Variants in TNKS observed in about 807,000 individuals in gnomAD.
TNKS encodes the protein tankyrase.
In TNKS, 72 loss-of-function variants were observed where a neutral mutation model predicts 135.8. The observed-to-expected ratio is 0.53, with a 90% CI of 0.44 to 0.64. TNKS has a LOEUF of 0.64. Among genes scored for constraint, TNKS ranks in the 30% least tolerant of loss-of-function variants. The pLI is 0.00. For missense variants in TNKS, 1,769 were observed against 1,674.0 expected, an observed-to-expected ratio of 1.06 and a Z score of -0.99; for synonymous variants, 849 against 649.3, an observed-to-expected ratio of 1.31 and a Z score of -4.68.
At chr8:9,685,954 CTT>C (rs1014763164) in intron 5 of TNKS, among the ~76,000 whole-genome samples, 3 of 152,086 alleles carry the variant, frequency 2.0e-5, no homozygotes, top group African/African-American at 7.2e-5. Flanking sequence ...CTCAGTATAA[CTT>C]TTTTCCAAAT....
At chr8:9,775,339 G>C (rs370124046) in intron 26 of TNKS, among the ~76,000 whole-genome samples, 3 of 151,428 alleles carry the variant, frequency 2.0e-5, no homozygotes, top group South Asian at 4.2e-4. Flanking sequence ...AGATTGGAAA[G>C]TCAGGAGAGA....
intron 5 of TNKS, among the ~76,000 whole-genome samples, chr8:9,688,042 G>A (rs1243582801): frequency 6.6e-6 from 1 of 152,126 alleles, no homozygotes; most frequent in Non-Finnish European, 1.5e-5. Context: ...CAGCTTCTGT[G>A]GTATTGCCGA....
At position 9,765,694 on chromosome 8, in the gene TNKS, T is replaced by A; in HGVS notation, c.3450T>A (p.Ile1150=). 1.3e-5 allele frequency: 21 copies of A among 1,613,268 alleles called. No individual in the cohort carries two copies. The highest frequency in any genetic ancestry group is 1.8e-5 in the Non-Finnish European group (21 of 1,179,352). The change falls in exon 24 of 27, where the codon ATT becomes ATA. Residue 1150 remains isoleucine (I), a splice_region_variant and synonymous_variant. Coordinates refer to ENST00000310430, the MANE Select transcript of TNKS (RefSeq NM_003747.3). ...GIFNRYNVIR[I]QKVVNKKLRE... ...TTCTTTCTTCTTCATCCTTAAAGAT[T>A]CAAAAAGTTGTCAACAAGAAGTTGA... is the stretch of plus-strand genomic sequence containing the variant.
At chr8:9,753,261 C>T (rs1339871410) in intron 20 of TNKS, among the ~76,000 whole-genome samples, 5 of 152,176 alleles carry the variant, frequency 3.3e-5, no homozygotes, top group Non-Finnish European at 5.9e-5. Flanking sequence ...TTATTCATCT[C>T]ATTTCATTAT....
chr8:9,672,709 C>CAAAA (rs1203663457), intron 3 of TNKS, among the ~76,000 whole-genome samples: 6 of 91,776 alleles, frequency 6.5e-5, no homozygotes, highest in East Asian at 3.2e-4. Flanking sequence ...CACACACACA[C>CAAAA]ACAAAAAAAA....
intron 3 of TNKS, among the ~76,000 whole-genome samples, chr8:9,640,429 C>G (rs1800684716): frequency 6.9e-6 from 1 of 145,248 alleles, no homozygotes; most frequent in Non-Finnish European, 1.5e-5. Flanking sequence ...GGGATACATT[C>G]AAACCATATC....
At chr8:9,558,297 T>C (rs1242898267) in intron 1 of TNKS, 2 of 152,236 alleles carry the variant, frequency 1.3e-5, no homozygotes, top group East Asian at 1.9e-4. Flanking sequence ...ATTATTGATA[T>C]ACAGACACTA....
chr8:9,722,538 A>G (rs1804942126), intron 12 of TNKS: 2 of 143,836 alleles, frequency 1.4e-5, no homozygotes, highest in Admixed American at 1.4e-4. Context: ...TTCTATATAA[A>G]TTTCAAGCTT....
chr8:9,661,700 A>G (rs1413511418), intron 3 of TNKS, among the ~76,000 whole-genome samples: 1 of 152,224 alleles, frequency 6.6e-6, no homozygotes, highest in Non-Finnish European at 1.5e-5. Flanking sequence ...TAAAACACCA[A>G]AAGCAATGGC....
At chr8:9,662,586 G>T (rs1244578040) in intron 3 of TNKS, among the ~76,000 whole-genome samples, 1 of 152,064 alleles carries the variant, frequency 6.6e-6, no homozygotes, top group Non-Finnish European at 1.5e-5. Flanking sequence ...CACACACCGG[G>T]GACAGTTGTG....
intron 3 of TNKS, among the ~76,000 whole-genome samples, chr8:9,622,601 T>G (rs917035209): frequency 6.6e-6 from 1 of 152,204 alleles, no homozygotes; most frequent in African/African-American, 2.4e-5. Flanking sequence ...TTTTACCTGT[T>G]TGTTCATTTG....
At chr8:9,661,632 T>C (rs1801716562) in intron 3 of TNKS, among the ~76,000 whole-genome samples, 1 of 152,146 alleles carries the variant, frequency 6.6e-6, no homozygotes, top group Non-Finnish European at 1.5e-5. Context: ...ATAAAAACCC[T>C]AGAAGAAAAC....
At chr8:9,638,430 T>A (rs763549724) in intron 3 of TNKS, among the ~76,000 whole-genome samples, 2 of 152,242 alleles carry the variant, frequency 1.3e-5, no homozygotes, top group Non-Finnish European at 2.9e-5. Context: ...CTAAAAATCT[T>A]CTGTTTTCTG....
chr8:9,639,733 A>G (rs1371679817), intron 3 of TNKS, among the ~76,000 whole-genome samples: 1 of 151,984 alleles, frequency 6.6e-6, no homozygotes, highest in Non-Finnish European at 1.5e-5. Context: ...ATCTTAGGGG[A>G]TTCTGGTTTG....
chr8:9,648,401 C>G (rs1801000099), intron 3 of TNKS, among the ~76,000 whole-genome samples: 1 of 151,900 alleles, frequency 6.6e-6, no homozygotes, highest in African/African-American at 2.4e-5. Flanking sequence ...GATTTTAAAA[C>G]TTTTTAAACT....
At chr8:9,690,881 C>G (rs893747415) in intron 5 of TNKS, among the ~76,000 whole-genome samples, 1 of 152,074 alleles carries the variant, frequency 6.6e-6, no homozygotes, top group Non-Finnish European at 1.5e-5. Flanking sequence ...TATCTCTGTT[C>G]ATGTAATCTA....
chr8:9,556,744 A>T, intron 1 of TNKS, 132 bp downstream of exon 1: 2 of 804,214 alleles, frequency 2.5e-6, no homozygotes, highest in Non-Finnish European at 3.6e-6. Flanking sequence ...TCACCAGAAG[A>T]CTGGAGGTTC....
At chr8:9,622,906 C>CCACAGATAGTACTGAAA (rs1799918583) in intron 3 of TNKS, among the ~76,000 whole-genome samples, 1 of 151,952 alleles carries the variant, frequency 6.6e-6, no homozygotes, top group Admixed American at 6.5e-5. Context: ...TAGTACTGAA[C>CCACAGATAGTACTGAAA]CCTGTACAGA....
chr8:9,624,417 T>C (rs1799981326), intron 3 of TNKS, among the ~76,000 whole-genome samples: 1 of 152,250 alleles, frequency 6.6e-6, no homozygotes, highest in Non-Finnish European at 1.5e-5. Flanking sequence ...AAGATTTTTA[T>C]TAAACTTTTA....
Sources: gnomAD v4.1 joint callset for allele counts (sites outside exome capture counted in the v4.1 genomes callset) on GRCh38, gnomAD v4.1.1 for gene constraint, MANE v1.5 for transcripts, NCBI Gene and HGNC (gene_info 2026-07-23, HGNC 2026-07-21) for gene names.